The following LRCH3 variants were observed in gnomAD, a reference collection of about 807,000 sequenced individuals.
LRCH3 encodes DISP complex protein LRCH3.
Under a neutral mutation model 104.5 loss-of-function variants are expected in LRCH3, and 68 were observed. The observed-to-expected ratio is 0.65, with a 90% CI of 0.54 to 0.80. LRCH3 has a LOEUF of 0.80. Ranked by LOEUF, LRCH3 falls within the 30% of genes least tolerant of loss-of-function variation. The pLI is 0.00. For missense variants in LRCH3, 951 were observed against 953.9 expected, an observed-to-expected ratio of 1.00 and a Z score of 0.04; for synonymous variants, 344 against 361.3, an observed-to-expected ratio of 0.95 and a Z score of 0.54.
At chr3:197,876,739 C>T (rs1416530779) in intron 20 of LRCH3, among the ~76,000 whole-genome samples, 3 of 152,146 alleles carry the variant, frequency 2.0e-5, no homozygotes, top group Non-Finnish European at 2.9e-5. Context: ...TCAGGGGTGG[C>T]CCTGGGGCTC....
chr3:197,870,202 A>T lies in LRCH3; in HGVS notation c.1916A>T (p.Asp639Val). Reference protein sequence around the residue: ...PLPPSAAPTTDSTDSITGQNS... With the variant: ...PLPPSAAPTTVSTDSITGQNS... ...CCTCCATCTGCTGCACCTACCACTG[A>T]TTCTACAGATTCCATAACAGGACAG... is the stretch of plus-strand genomic sequence containing the variant. Residue 639 changes from aspartate to valine, a missense_variant, in exon 18 of 21, where the codon GAT becomes GTT. Transcript: ENST00000425562. The T allele has an allele frequency of 3.1e-6, 5 of 1,613,068 alleles. No homozygotes were observed. The highest frequency in any genetic ancestry group is 4.2e-6 in the Non-Finnish European group (5 of 1,179,046).
At position 197,793,873 on chromosome 3, in the gene LRCH3, AT is replaced by A. The variant is rs1209348852; in HGVS notation, c.262+2334del. 3.3e-5 allele frequency among the ~76,000 whole-genome samples: 5 copies of A among 152,206 alleles called. No individual in the cohort carries two copies. The South Asian group carries it at 6.2e-4, about 19-fold the overall frequency. On this transcript the variant is annotated intron_variant, in intron 1 of 20. Transcript: ENST00000425562. ...TATCACTTATGAAATATAAAAAAAA[AT>A]CTTTGGCAGACCTTGCTCGTTACCC... is the stretch of plus-strand genomic sequence containing the variant.
chr3:197,838,366 G>C (rs1365622724), intron 9 of LRCH3, among the ~76,000 whole-genome samples: 3 of 152,228 alleles, frequency 2.0e-5, no homozygotes, highest in Admixed American at 6.5e-5. Flanking sequence ...CAGACTTTAA[G>C]ACAGTCAGTT....
intron 9 of LRCH3, among the ~76,000 whole-genome samples, chr3:197,837,965 C>T (rs1451881759): frequency 6.6e-6 from 1 of 151,458 alleles, no homozygotes; most frequent in South Asian, 2.1e-4. Context: ...GAGGCTGAGG[C>T]ACGAGAGTCA....
At chr3:197,855,681 T>G (rs748977251) in intron 14 of LRCH3, among the ~76,000 whole-genome samples, 20 of 152,192 alleles carry the variant, frequency 1.3e-4, no homozygotes, top group Non-Finnish European at 2.2e-4. Flanking sequence ...TGCCAAGACT[T>G]TTTTGTCAAC....
chr3:197,869,814 AGAAAGCGATGCACTGTACCTGCAGGAG>A, intron 17 of LRCH3, among the ~76,000 whole-genome samples: 4 of 144,840 alleles, frequency 2.8e-5, no homozygotes, highest in Admixed American at 1.3e-4. Flanking sequence ...TGCAGGAGGT[AGAAAGCGATGCACTGTACCTGCAGGAG>A]GTAGAAAGCG....
intron 20 of LRCH3, chr3:197,881,404 G>A (rs899700900): frequency 1.0e-6 from 1 of 985,780 alleles, no homozygotes; most frequent in Non-Finnish European, 1.2e-6. Flanking sequence ...TACGCTGTAT[G>A]TGCTGCACAC....
intron 5 of LRCH3, 59 bp downstream of exon 5, chr3:197,827,073 G>A: frequency 1.9e-6 from 3 of 1,595,546 alleles, no homozygotes; most frequent in Non-Finnish European, 2.6e-6. Context: ...AAACCACGGT[G>A]GAAGCATCTG....
chr3:197,824,490 C>T (rs545660877), intron 4 of LRCH3, among the ~76,000 whole-genome samples: 4 of 150,820 alleles, frequency 2.7e-5, no homozygotes, highest in East Asian at 2.0e-4. Flanking sequence ...TTCTCTATCC[C>T]TTTTTTCCCT....
chr3:197,792,593 AT>A lies in LRCH3; in HGVS notation c.262+1054del, dbSNP rs1183943267. The stretch of plus-strand genomic sequence containing the variant: ...CAGCTAATTTTATATATATATATAT[AT>A]ATATATATATAAAATATACATATAT... On this transcript the variant is annotated intron_variant, in intron 1 of 20. Coordinates refer to ENST00000425562, the MANE Select transcript of LRCH3 (RefSeq NM_001365715.1). Among the ~76,000 whole-genome samples the A allele has an allele frequency of 4.8e-5, 4 of 83,238 alleles. 1 individual carries two copies. Among genetic ancestry groups the A allele is most frequent in the Non-Finnish European group, 1.0e-4 (4 of 39,920 alleles). 54.6% of individuals were successfully genotyped at this position (83,238 alleles called of 152,430 possible).
intron 16 of LRCH3, among the ~76,000 whole-genome samples, 188 bp from the exon 17 acceptor site, chr3:197,865,924 A>G (rs994786571): frequency 2.0e-5 from 3 of 152,188 alleles, no homozygotes; most frequent in Non-Finnish European, 4.4e-5. Context: ...ATAACATGAC[A>G]ATGTAAAATA....
At chr3:197,832,113 TG>T (rs1444182335) in intron 7 of LRCH3, 83 bp from the exon 8 acceptor site, 18 of 1,407,302 alleles carry the variant, frequency 1.3e-5, no homozygotes, top group Admixed American at 2.2e-5. Context: ...CCTCCTGCTT[TG>T]GTCTCCCAAA....
chr3:197,870,396 C>G, intron 18 of LRCH3, 118 bp downstream of exon 18: 3 of 968,098 alleles, frequency 3.1e-6, no homozygotes, highest in Non-Finnish European at 4.5e-6. Context: ...GACGGAGTCT[C>G]ACTCTGTCAC....
At chr3:197,849,279 A>T (rs1739226337) in intron 12 of LRCH3, among the ~76,000 whole-genome samples, 1 of 150,934 alleles carries the variant, frequency 6.6e-6, no homozygotes, top group Non-Finnish European at 1.5e-5. Flanking sequence ...AAAAAAAAAA[A>T]AAAAAAAAAA....
At position 197,883,273 on chromosome 3, in the gene LRCH3, GTT is replaced by G; in HGVS notation, c.2209-267_2209-266del. On this transcript the variant is annotated intron_variant, in intron 20 of 20. Transcript: ENST00000425562. This position sits in a 1 kb window ranked among gnomAD's most constrained non-coding sequence, Gnocchi z 4.2. ...CACCCTGCGGTATTGTTTTCCCTCT[GTT>G]GTATGTATAGATATATGCTACTTGT... 2 of 1,167,022 alleles carry G rather than the reference GTT, an allele frequency of 1.7e-6. No individual in the cohort carries two copies. Among genetic ancestry groups the G allele is most frequent in the Non-Finnish European group, 2.1e-6 (2 of 942,724 alleles). The allele number at this position is 1,167,022 out of a possible 1,614,324, so 72.3% of individuals were successfully genotyped here. A position where few individuals can be genotyped will look rare whatever the true frequency, so the allele number is the denominator to read the frequency against.
Position 197,854,453 on chromosome 3 carries a change from T to A in LRCH3, c.1644+8T>A. 1 of 1,613,512 alleles carries A rather than the reference T, an allele frequency of 6.2e-7. No individual in the cohort carries two copies. The highest frequency in any genetic ancestry group is 8.5e-7 in the Non-Finnish European group (1 of 1,179,474). On this transcript the variant is annotated splice_region_variant and intron_variant, in intron 14 of 20. Coordinates refer to ENST00000425562, the MANE Select transcript of LRCH3 (RefSeq NM_001365715.1). The surrounding 1 kb of genome is among the most constrained non-coding windows in gnomAD (Gnocchi z 4.5). ...GATAGTGCCTTGTGCATGGTAAGAGTTTTGCACAAAACGGAGTTTCGCATT... is the reference window on the plus strand; with the variant it reads ...GATAGTGCCTTGTGCATGGTAAGAGATTTGCACAAAACGGAGTTTCGCATT...
chr3:197,876,101 G>A (rs1202897533), intron 20 of LRCH3: 1 of 172,572 alleles, frequency 5.8e-6, no homozygotes, highest in Non-Finnish European at 1.2e-5. Context: ...TGAGAATGCT[G>A]CAGTTGGCTT....
chr3:197,830,011 GC>G (rs947149976), intron 6 of LRCH3, among the ~76,000 whole-genome samples: 4 of 152,194 alleles, frequency 2.6e-5, no homozygotes, highest in African/African-American at 9.6e-5. Flanking sequence ...TCACCTTGGG[GC>G]CCTCCAGTTG....
intron 18 of LRCH3, 96 bp downstream of exon 18, chr3:197,870,374 A>AT (rs34243850): frequency 0.02 from 22,662 of 1,108,538 alleles, 50 homozygotes; most frequent in Non-Finnish European, 0.023. Flanking sequence ...ATTTTTATTT[A>AT]TTTTTTTTTT....
Sources: allele counts gnomAD v4.1 joint callset (sites outside exome capture counted in the v4.1 genomes callset), GRCh38; gene constraint gnomAD v4.1.1; non-coding constraint Gnocchi (gnomAD v3.1); transcripts MANE v1.5; gene names NCBI Gene and HGNC (gene_info 2026-07-23, HGNC 2026-07-21).